The following PSD3 variants were observed in gnomAD, a reference collection of about 807,000 sequenced individuals.
PSD3 encodes the protein PH and SEC7 domain-containing protein 3.
In PSD3, 49 loss-of-function variants were observed where a neutral mutation model predicts 105.5. The ratio of observed to expected loss-of-function variants is 0.46; its 90% CI spans 0.37 to 0.59. PSD3 has a LOEUF of 0.59. Among genes scored for constraint, PSD3 ranks in the 20% least tolerant of loss-of-function variants. PSD3 has a pLI of 0.00. For synonymous variants in PSD3, 557 were observed against 457.8 expected, an observed-to-expected ratio of 1.22 and a Z score of -2.77; for missense variants, 1,561 against 1,263.8, an observed-to-expected ratio of 1.24 and a Z score of -3.57.
intron 9 of PSD3, among the ~76,000 whole-genome samples, chr8:18,718,754 G>A (rs1802759464): frequency 6.6e-6 from 1 of 152,164 alleles, no homozygotes; most frequent in South Asian, 2.1e-4. Context: ...ACAGAAGAGA[G>A]TAGGAGGTCA....
intron 1 of PSD3, among the ~76,000 whole-genome samples, chr8:19,024,445 G>C (rs910040638): frequency 1.3e-5 from 2 of 152,088 alleles, no homozygotes; most frequent in Admixed American, 6.5e-5. Flanking sequence ...AGACAGAAGG[G>C]GTCCCACTAA....
intron 1 of PSD3, among the ~76,000 whole-genome samples, chr8:19,006,904 A>T (rs1826707208): frequency 6.6e-6 from 1 of 152,148 alleles, no homozygotes; most frequent in South Asian, 2.1e-4. Flanking sequence ...CTGTGATACT[A>T]GGCAGATTCA....
intron 9 of PSD3, among the ~76,000 whole-genome samples, chr8:18,735,773 C>G (rs1282494850): frequency 6.6e-6 from 1 of 152,052 alleles, no homozygotes; most frequent in African/African-American, 2.4e-5. Context: ...TATTGGATAC[C>G]AACAACAGTT....
chr8:19,007,085 T>C (rs142739990), intron 1 of PSD3, among the ~76,000 whole-genome samples: 14,162 of 151,940 alleles, frequency 0.093, 796 homozygotes, highest in African/African-American at 0.12. Context: ...CGAAACCCCG[T>C]ATCTACTAAA....
At chr8:18,673,338 T>A (rs553216911) in intron 9 of PSD3, among the ~76,000 whole-genome samples, 1 of 152,306 alleles carries the variant, frequency 6.6e-6, no homozygotes, top group South Asian at 2.1e-4. Context: ...TAGACATTAT[T>A]CATGGGGCAG....
intron 9 of PSD3, among the ~76,000 whole-genome samples, chr8:18,701,440 A>T (rs1801576330): frequency 6.6e-6 from 1 of 152,210 alleles, no homozygotes. Flanking sequence ...AAGCCCCTTT[A>T]TGAAGCTTAC....
intron 1 of PSD3, among the ~76,000 whole-genome samples, chr8:19,061,544 A>C (rs1300124817): frequency 6.6e-6 from 1 of 151,980 alleles, no homozygotes; most frequent in Non-Finnish European, 1.5e-5. Flanking sequence ...GCGGAGGCTC[A>C]CGCCTGTAAT....
chr8:18,937,929 TAAGGA>T (rs1822257490), intron 1 of PSD3, among the ~76,000 whole-genome samples: 1 of 151,930 alleles, frequency 6.6e-6, no homozygotes, highest in Non-Finnish European at 1.5e-5. Flanking sequence ...CGCATGGCCT[TAAGGA>T]ATGGAAGGAT....
rs962623345 is a variant in PSD3, at chr8:18,532,050, T to C, written c.*3693A>G. 7 of 151,994 alleles carry C rather than the reference T, an allele frequency of 4.6e-5. No homozygotes were observed. The highest frequency in any genetic ancestry group is 1.0e-4 in the Non-Finnish European group (7 of 68,010). The allele number at this position is 151,994 out of a possible 1,614,324, so 9.4% of individuals were successfully genotyped here. On this transcript the variant is annotated 3_prime_UTR_variant, in exon 16 of 16. Coordinates refer to ENST00000327040, the MANE Select transcript of PSD3 (RefSeq NM_015310.4). ...AGGACAATTAATGAAACCCAAAAGG[T>C]TTTGTTAGTAAGACAATGGAGAAAC...
chr8:18,646,819 TATG>T (rs1423048381), intron 10 of PSD3, among the ~76,000 whole-genome samples: 1 of 152,016 alleles, frequency 6.6e-6, no homozygotes, highest in African/African-American at 2.4e-5. Context: ...TTAAGTAAAA[TATG>T]ATAAGGGAAC....
At chr8:18,789,333 A>T (rs1212412262) in intron 8 of PSD3, among the ~76,000 whole-genome samples, 2 of 152,228 alleles carry the variant, frequency 1.3e-5, no homozygotes, top group Admixed American at 1.3e-4. Flanking sequence ...AGATATGAGA[A>T]TCTAGCCATC....
intron 12 of PSD3, among the ~76,000 whole-genome samples, chr8:18,584,507 A>T (rs12542831): frequency 0.34 from 52,204 of 152,142 alleles, 10,494 homozygotes; most frequent in Non-Finnish European, 0.44. Flanking sequence ...CCAGCTTTTC[A>T]ATTTAAAAAA....
At chr8:18,785,841 C>CAGAG (rs1158251049) in intron 8 of PSD3, among the ~76,000 whole-genome samples, 2 of 152,064 alleles carry the variant, frequency 1.3e-5, no homozygotes, top group African/African-American at 4.8e-5. Flanking sequence ...CCTGAGGAGA[C>CAGAG]AGAGATGGGG....
chr8:18,646,665 CA>C (rs1334765805), intron 10 of PSD3, among the ~76,000 whole-genome samples: 1 of 151,968 alleles, frequency 6.6e-6, no homozygotes, highest in Non-Finnish European at 1.5e-5. Flanking sequence ...ACAACTAAAT[CA>C]GTCTAAACTA....
intron 1 of PSD3, among the ~76,000 whole-genome samples, chr8:18,958,001 CCCTTT>C (rs1222086830): frequency 2.6e-5 from 4 of 152,102 alleles, no homozygotes; most frequent in African/African-American, 9.7e-5. Context: ...AACACATATG[CCCTTT>C]TATCCAGCAA....
chr8:18,793,625 A>G (rs78761786), intron 8 of PSD3, among the ~76,000 whole-genome samples: 3,249 of 152,292 alleles, frequency 0.021, 162 homozygotes, highest in East Asian at 0.14. Flanking sequence ...AATTATGACC[A>G]TGGATGGAAT....
chr8:18,740,738 C>T (rs1180702433), intron 9 of PSD3, among the ~76,000 whole-genome samples: 1 of 152,192 alleles, frequency 6.6e-6, no homozygotes. Context: ...AATCCTCTCT[C>T]TCACTCATCC....
At position 18,572,557 on chromosome 8, in the gene PSD3, G is replaced by A. The variant is rs377209838; in HGVS notation, c.2755C>T (p.Leu919=). The change falls in exon 14 of 16, where the codon CTG becomes TTG. Residue 919 remains leucine (L), a synonymous_variant. Coordinates refer to ENST00000327040, the MANE Select transcript of PSD3 (RefSeq NM_015310.4). The part of the protein sequence containing the change: ...GSQKKFSRPL[L]PATTTKLSQE... ...GACAGTTTTGTTGTAGTGGCAGGCA[G>A]AAGTGGGCGGCTAAACTTCTTCTGA... The A allele has an allele frequency of 2.5e-6, 4 of 1,613,914 alleles. No homozygotes were observed. The African/African-American group carries it at 5.3e-5, about 22-fold the overall frequency.
At chr8:18,557,225 C>T (rs756070303) in intron 14 of PSD3, among the ~76,000 whole-genome samples, 8 of 152,148 alleles carry the variant, frequency 5.3e-5, no homozygotes, top group Non-Finnish European at 1.2e-4. Flanking sequence ...CCAAATTTCA[C>T]AGGTACAATA....
Sources: allele counts gnomAD v4.1 joint callset (sites outside exome capture counted in the v4.1 genomes callset), GRCh38; gene constraint gnomAD v4.1.1; transcripts MANE v1.5; gene names NCBI Gene and HGNC (gene_info 2026-07-23, HGNC 2026-07-21).